The following SLC35F1 variants were observed in gnomAD, a reference collection of about 807,000 sequenced individuals.
SLC35F1 encodes chromosome 6 open reading frame 169.
Under a neutral mutation model 48.7 loss-of-function variants are expected in SLC35F1, and 14 were observed. That is an observed-to-expected ratio of 0.29 (90% CI 0.19 to 0.45). The LOEUF (loss-of-function observed/expected upper bound fraction) is 0.45, where lower values mean the gene tolerates loss of function less well. Ranked by LOEUF, SLC35F1 falls within the 20% of genes least tolerant of loss-of-function variation. The probability of loss-of-function intolerance (pLI) is 1.00; values close to 1 mark genes in which losing one functional copy is unlikely to be tolerated. For missense variants in SLC35F1, 404 were observed against 500.0 expected, an observed-to-expected ratio of 0.81 and a Z score of 1.83; for synonymous variants, 190 against 202.2, an observed-to-expected ratio of 0.94 and a Z score of 0.51.
intron 3 of SLC35F1, among the ~76,000 whole-genome samples, chr6:118,238,461 G>A (rs1775395350): frequency 8.0e-6 from 1 of 124,510 alleles, no homozygotes; most frequent in Non-Finnish European, 1.7e-5. Context: ...AATAATAATG[G>A]GAATTTATTG....
intron 1 of SLC35F1, among the ~76,000 whole-genome samples, chr6:117,931,533 G>A (rs1469977033): frequency 1.3e-5 from 2 of 152,184 alleles, no homozygotes; most frequent in Non-Finnish European, 2.9e-5. Context: ...TTATAGTTCA[G>A]TCACTTCCTG....
intron 1 of SLC35F1, among the ~76,000 whole-genome samples, chr6:117,996,551 C>A (rs1025564055): frequency 1.3e-5 from 2 of 152,200 alleles, no homozygotes; most frequent in Non-Finnish European, 2.9e-5. Flanking sequence ...CAGACTGACA[C>A]CTCACACGGC....
chr6:118,203,672 T>C (rs888637080), intron 2 of SLC35F1, among the ~76,000 whole-genome samples: 2 of 152,162 alleles, frequency 1.3e-5, no homozygotes, highest in African/African-American at 4.8e-5. Flanking sequence ...AGCCTGTCAA[T>C]AGAGAGACAC....
intron 2 of SLC35F1, among the ~76,000 whole-genome samples, chr6:118,190,960 G>A (rs983047639): frequency 6.6e-6 from 1 of 152,136 alleles, no homozygotes; most frequent in African/African-American, 2.4e-5. Flanking sequence ...ACTTTCACAA[G>A]AGAATTTAAA....
chr6:118,233,541 T>C (rs1775323688), intron 2 of SLC35F1, among the ~76,000 whole-genome samples: 1 of 152,212 alleles, frequency 6.6e-6, no homozygotes, highest in African/African-American at 2.4e-5. Context: ...TCACTTTTTT[T>C]TTGTTTTCAA....
chr6:118,080,958 G>A (rs1276315757), intron 1 of SLC35F1, among the ~76,000 whole-genome samples: 3 of 152,102 alleles, frequency 2.0e-5, no homozygotes, highest in Non-Finnish European at 4.4e-5. Context: ...CCCCTTTATT[G>A]TGTAATATAT....
intron 3 of SLC35F1, among the ~76,000 whole-genome samples, chr6:118,244,441 T>A (rs1185465285): frequency 6.6e-6 from 1 of 152,268 alleles, no homozygotes; most frequent in Non-Finnish European, 1.5e-5. Flanking sequence ...AATTTTGCAG[T>A]CATATTGATA....
intron 2 of SLC35F1, among the ~76,000 whole-genome samples, chr6:118,207,120 T>C (rs1774945963): frequency 6.6e-6 from 1 of 152,274 alleles, no homozygotes; most frequent in South Asian, 2.1e-4. Flanking sequence ...AGGATAAACC[T>C]AGGCAAATGT....
intron 2 of SLC35F1, among the ~76,000 whole-genome samples, chr6:118,170,807 T>A (rs1213753786): frequency 6.6e-6 from 1 of 152,126 alleles, no homozygotes; most frequent in East Asian, 1.9e-4. Context: ...ACAGTAAGTG[T>A]TTATGTAAAT....
chr6:117,988,739 T>G (rs566359753), intron 1 of SLC35F1, among the ~76,000 whole-genome samples: 27 of 152,228 alleles, frequency 1.8e-4, no homozygotes, highest in Non-Finnish European at 2.4e-4. Flanking sequence ...GGGAGAGAGT[T>G]GGTTTCTTAG....
At chr6:118,154,112 C>G (rs1056405453) in intron 1 of SLC35F1, among the ~76,000 whole-genome samples, 1 of 152,070 alleles carries the variant, frequency 6.6e-6, no homozygotes, top group Non-Finnish European at 1.5e-5. Context: ...TGTTCTTTCC[C>G]CACCCCCTTC....
intron 1 of SLC35F1, among the ~76,000 whole-genome samples, chr6:118,122,851 C>A (rs922072921): frequency 6.6e-6 from 1 of 152,088 alleles, no homozygotes; most frequent in Admixed American, 6.6e-5. Context: ...AATAGAGGCC[C>A]AGTGATGAAT....
chr6:117,945,187 C>T (rs1376787785), intron 1 of SLC35F1, among the ~76,000 whole-genome samples: 1 of 152,160 alleles, frequency 6.6e-6, no homozygotes, highest in African/African-American at 2.4e-5. Context: ...TGTCCCCATC[C>T]GTGGGTCATC....
intron 2 of SLC35F1, among the ~76,000 whole-genome samples, chr6:118,196,082 G>C (rs537906119): frequency 6.6e-6 from 1 of 152,282 alleles, no homozygotes; most frequent in South Asian, 2.1e-4. Context: ...CAAATTTGTA[G>C]ACAAAAAAGT....
intron 1 of SLC35F1, among the ~76,000 whole-genome samples, chr6:118,015,739 T>C (rs1777312223): frequency 6.6e-6 from 1 of 152,176 alleles, no homozygotes; most frequent in African/African-American, 2.4e-5. Context: ...CCAGACTAAA[T>C]GAAAAGTCTT....
intron 7 of SLC35F1, among the ~76,000 whole-genome samples, chr6:118,290,565 A>G (rs967051256): frequency 6.6e-6 from 1 of 152,186 alleles, no homozygotes; most frequent in Non-Finnish European, 1.5e-5. Context: ...AATTAAAAAA[A>G]AAATTTATTT....
intron 1 of SLC35F1, among the ~76,000 whole-genome samples, chr6:118,112,847 A>G (rs1231748205): frequency 3.3e-5 from 5 of 152,178 alleles, no homozygotes; most frequent in Non-Finnish European, 7.3e-5. Context: ...AACACTTACA[A>G]ATATGATCAA....
At chr6:118,175,513 A>G (rs751448843) in intron 2 of SLC35F1, among the ~76,000 whole-genome samples, 10 of 152,150 alleles carry the variant, frequency 6.6e-5, no homozygotes, top group Non-Finnish European at 1.0e-4. Context: ...TGCCACTAAC[A>G]TAATTATTTG....
intron 1 of SLC35F1, among the ~76,000 whole-genome samples, chr6:118,014,308 T>C (rs1398586918): frequency 6.6e-6 from 1 of 152,172 alleles, no homozygotes; most frequent in Non-Finnish European, 1.5e-5. Flanking sequence ...GAAAGGTTGT[T>C]CTCTTCATGG....
Sources: gnomAD v4.1 joint callset for allele counts (sites outside exome capture counted in the v4.1 genomes callset) on GRCh38, gnomAD v4.1.1 for gene constraint, MANE v1.5 for transcripts, NCBI Gene and HGNC (gene_info 2026-07-23, HGNC 2026-07-21) for gene names.